NRG1: variants seen among roughly 807,000 people sequenced by gnomAD.
NRG1 encodes neuregulin 1.
A neutral mutation model predicts 63.8 loss-of-function variants in NRG1; 18 were observed. The ratio of observed to expected loss-of-function variants is 0.28; its 90% CI spans 0.19 to 0.42. The LOEUF is 0.42. Ranked by LOEUF, NRG1 falls within the 10% of genes least tolerant of loss-of-function variation. NRG1 has a pLI of 1.00. For missense variants in NRG1, 762 were observed against 814.7 expected (o/e 0.94, Z 0.79); for synonymous variants, 302 against 301.3 (o/e 1.00, Z -0.02).
chr8:32,630,966 G>T lies in NRG1; in HGVS notation c.502+14081G>T, dbSNP rs541248681. Among the ~76,000 whole-genome samples the T allele has an allele frequency of 1.1e-3, 165 of 151,942 alleles. 1 individual carries two copies. Among genetic ancestry groups the T allele is most frequent in the Non-Finnish European group, 2.0e-3 (136 of 67,950 alleles). ...AGAAATTGTAGCATTTTGTGTCTGG[G>T]TTTATTTTTCTTTGAAATCAAAGAA... On this transcript the variant is annotated intron_variant, in intron 5 of 11. Transcript: ENST00000356819.
intron 1 of NRG1, among the ~76,000 whole-genome samples, chr8:32,356,989 A>G (rs1806522140): frequency 6.6e-6 from 1 of 152,196 alleles, no homozygotes; most frequent in Non-Finnish European, 1.5e-5. Flanking sequence ...TCAACTTGTA[A>G]ATAATGTATT....
intron 1 of NRG1, among the ~76,000 whole-genome samples, chr8:32,281,195 T>TTTTTTTTTTTTTTTTTTG (rs1852790731): frequency 1.4e-5 from 2 of 142,006 alleles, no homozygotes; most frequent in Admixed American, 7.4e-5. Context: ...TTTTTTTTTT[T>TTTTTTTTTTTTTTTTTTG]GAGACAGAAT....
chr8:32,189,670 C>T (rs73675872), intron 1 of NRG1, among the ~76,000 whole-genome samples: 2 of 152,146 alleles, frequency 1.3e-5, no homozygotes, highest in Non-Finnish European at 2.9e-5. Context: ...GATTTTATTT[C>T]TTTCCTCTTA....
chr8:32,647,976 A>G (rs1479349162), intron 5 of NRG1: 19 of 1,614,168 alleles, frequency 1.2e-5, no homozygotes, highest in Non-Finnish European at 1.5e-5. Context: ...TTGCCTGGTC[A>G]GCCTCTGCCT....
chr8:32,506,920 AC>A (rs1828606560), intron 1 of NRG1, among the ~76,000 whole-genome samples: 1 of 152,158 alleles, frequency 6.6e-6, no homozygotes. Flanking sequence ...TCAAGGGTGT[AC>A]AATCTCCTAC....
At chr8:31,916,774 C>T (rs903370636) in intron 1 of NRG1, among the ~76,000 whole-genome samples, 25 of 151,980 alleles carry the variant, frequency 1.6e-4, no homozygotes, top group African/African-American at 5.3e-4. Flanking sequence ...CCTGAGGAAT[C>T]GCCACACTGA....
chr8:32,434,522 C>T (rs1818550373), intron 1 of NRG1, among the ~76,000 whole-genome samples: 1 of 152,088 alleles, frequency 6.6e-6, no homozygotes, highest in Non-Finnish European at 1.5e-5. Flanking sequence ...CTTAATGCCC[C>T]AGAAGCCCAG....
At chr8:31,646,408 G>A (rs537492772) in intron 1 of NRG1, among the ~76,000 whole-genome samples, 1 of 152,356 alleles carries the variant, frequency 6.6e-6, no homozygotes, top group South Asian at 2.1e-4. Context: ...CATACCTGAT[G>A]AGGGCACTAG....
At chr8:31,728,183 G>T (rs1167020374) in intron 1 of NRG1, among the ~76,000 whole-genome samples, 1 of 152,172 alleles carries the variant, frequency 6.6e-6, no homozygotes, top group Non-Finnish European at 1.5e-5. Flanking sequence ...AAATATTTGG[G>T]CTGGGCATGG....
At chr8:31,985,931 A>G (rs1809982565) in intron 1 of NRG1, among the ~76,000 whole-genome samples, 1 of 152,062 alleles carries the variant, frequency 6.6e-6, no homozygotes, top group African/African-American at 2.4e-5. Context: ...GAACTCTCCA[A>G]TGTAACCTTC....
intron 1 of NRG1, among the ~76,000 whole-genome samples, chr8:31,849,410 G>A (rs1258131204): frequency 1.3e-5 from 2 of 152,180 alleles, no homozygotes; most frequent in African/African-American, 4.8e-5. Context: ...GTGCTTTTAG[G>A]AGAGAATATT....
At chr8:32,595,744 TCAGGCTAAC>T in intron 1 of NRG1, 75 bp from the exon 2 acceptor site, 1 of 1,273,556 alleles carries the variant, frequency 7.9e-7, no homozygotes, top group Admixed American at 2.3e-5. Context: ...GGTGCCTTGA[TCAGGCTAAC>T]TCCAGATTAA....
At chr8:32,680,553 A>T (rs568688794) in intron 5 of NRG1, among the ~76,000 whole-genome samples, 1 of 152,278 alleles carries the variant, frequency 6.6e-6, no homozygotes, top group Admixed American at 6.5e-5. Context: ...TGAAGGAGAG[A>T]CATAATATAG....
chr8:32,742,532 T>C lies in NRG1; in HGVS notation c.633-143T>C, dbSNP rs1826595303. 1.4e-6 allele frequency: 1 copy of C among 713,522 alleles called. No homozygotes were observed. Among genetic ancestry groups the C allele is most frequent in the South Asian group, 1.8e-5 (1 of 54,338 alleles). The allele number at this position is 713,522 out of a possible 1,614,324, so 44.2% of individuals were successfully genotyped here. A position where few individuals can be genotyped will look rare whatever the true frequency, so the allele number is the denominator to read the frequency against. ...GGGAAGTGCCAGAGCCTGAAAGCCA[T>C]GATCAGGGCAAAGATTCAGTTCCTG... On this transcript the variant is annotated intron_variant, in intron 6 of 11. Coordinates refer to ENST00000356819, the Ensembl canonical transcript of NRG1. The surrounding 1 kb of genome is among the most constrained non-coding windows in gnomAD (Gnocchi z 4.2).
chr8:32,266,897 A>G (rs1229959902), intron 1 of NRG1, among the ~76,000 whole-genome samples: 1 of 148,316 alleles, frequency 6.7e-6, no homozygotes, highest in Non-Finnish European at 1.5e-5. Context: ...AAAAAAAAAA[A>G]AATTAGCCAG....
intron 1 of NRG1, among the ~76,000 whole-genome samples, chr8:32,041,173 G>T (rs1430979942): frequency 1.3e-5 from 2 of 152,148 alleles, no homozygotes; most frequent in East Asian, 3.9e-4. Context: ...CTTATCATGG[G>T]TGAAGTTAAC....
At chr8:31,663,772 A>G (rs1385623743) in intron 1 of NRG1, among the ~76,000 whole-genome samples, 1 of 152,016 alleles carries the variant, frequency 6.6e-6, no homozygotes, top group East Asian at 1.9e-4. Flanking sequence ...GTACTATTCT[A>G]CTTCCTCTGT....
chr8:32,062,896 A>G (rs1824120045), intron 1 of NRG1, among the ~76,000 whole-genome samples: 1 of 152,046 alleles, frequency 6.6e-6, no homozygotes, highest in Non-Finnish European at 1.5e-5. Context: ...AATTTTTGGT[A>G]CTGTGTATTA....
At chr8:31,916,211 CTTT>C (rs979164884) in intron 1 of NRG1, among the ~76,000 whole-genome samples, 2 of 151,090 alleles carry the variant, frequency 1.3e-5, no homozygotes, top group Admixed American at 6.6e-5. Context: ...TTTTCATTTT[CTTT>C]TTTTTTATTA....
Sources: gnomAD v4.1 joint callset for allele counts (sites outside exome capture counted in the v4.1 genomes callset) on GRCh38, gnomAD v4.1.1 for gene constraint, Gnocchi (gnomAD v3.1) non-coding constraint, MANE v1.5 for transcripts, NCBI Gene and HGNC (gene_info 2026-07-23, HGNC 2026-07-21) for gene names.